The following DYNLT5 variants were observed in gnomAD, a reference collection of about 807,000 sequenced individuals.
DYNLT5 encodes the protein dynein light chain Tctex-type 5.
Under a neutral mutation model 19.3 loss-of-function variants are expected in DYNLT5, and 25 were observed. That is an observed-to-expected ratio of 1.30 (90% confidence interval 0.95 to 1.81). DYNLT5 has a LOEUF of 1.81. DYNLT5 is among the 40% of genes most tolerant of loss of function. DYNLT5 has a pLI of 0.00. For missense variants in DYNLT5, 232 were observed against 217.9 expected, an observed-to-expected ratio of 1.06 and a Z score of -0.41; for synonymous variants, 82 against 68.9, an observed-to-expected ratio of 1.19 and a Z score of -0.94.
At chr1:66,758,169 A>T (rs572173695) in intron 2 of DYNLT5, among the ~76,000 whole-genome samples, 30 of 152,326 alleles carry the variant, frequency 2.0e-4, no homozygotes, top group African/African-American at 6.5e-4. Context: ...GAAAATTGGC[A>T]ATCCATGTGT....
chr1:66,771,282 T>G (rs1645202980), intron 3 of DYNLT5, among the ~76,000 whole-genome samples: 3 of 152,200 alleles, frequency 2.0e-5, no homozygotes, highest in Admixed American at 2.0e-4. Flanking sequence ...CTACTGGTAT[T>G]TTCACAGTGC....
chr1:66,762,696 C>T (rs1329602756), intron 2 of DYNLT5, among the ~76,000 whole-genome samples: 1 of 152,018 alleles, frequency 6.6e-6, no homozygotes, highest in African/African-American at 2.4e-5. Context: ...TTTCTTAAAT[C>T]GTAAGATTTA....
At chr1:66,765,887 G>A (rs1487425911) in intron 2 of DYNLT5, among the ~76,000 whole-genome samples, 1 of 152,076 alleles carries the variant, frequency 6.6e-6, no homozygotes, top group Non-Finnish European at 1.5e-5. Flanking sequence ...CAAATAAGGA[G>A]GATTACTTTT....
intron 2 of DYNLT5, among the ~76,000 whole-genome samples, chr1:66,761,903 A>G (rs578120016): frequency 8.9e-4 from 136 of 152,344 alleles, no homozygotes; most frequent in African/African-American, 3.1e-3. Flanking sequence ...GCATTTTACC[A>G]TGGTAGAACT....
At chr1:66,759,973 C>T (rs1435923927) in intron 2 of DYNLT5, among the ~76,000 whole-genome samples, 2 of 152,156 alleles carry the variant, frequency 1.3e-5, no homozygotes, top group Non-Finnish European at 2.9e-5. Flanking sequence ...TAGCAGCCTC[C>T]TGTCTCAAAG....
At chr1:66,753,402 T>G (rs113417777) in intron 1 of DYNLT5, among the ~76,000 whole-genome samples, 2 of 152,334 alleles carry the variant, frequency 1.3e-5, no homozygotes, top group African/African-American at 4.8e-5. Flanking sequence ...AATGAGGGCA[T>G]TATTAGAGTT....
At chr1:66,758,196 A>G (rs2094639925) in intron 2 of DYNLT5, among the ~76,000 whole-genome samples, 1 of 152,212 alleles carries the variant, frequency 6.6e-6, no homozygotes, top group Non-Finnish European at 1.5e-5. Flanking sequence ...CATTAATAAA[A>G]CTATTCTGTT....
chr1:66,768,620 A>ATCCT lies in DYNLT5; in HGVS notation c.120-1765_120-1762dup, dbSNP rs1359011733. On this transcript the variant is annotated intron_variant, in intron 2 of 4. Coordinates refer to ENST00000282670, the MANE Select transcript of DYNLT5 (RefSeq NM_152665.3). ...CTGATAGTGAAGACAGTTTATAAAA[A>ATCCT]TCCTTATTTGCTTTTTTGTCTTGGA... The ATCCT allele has an allele frequency of 2.6e-5, 4 of 152,196 alleles. No individual in the cohort carries two copies. In the East Asian group the frequency reaches 7.7e-4, roughly 29 times the overall value. The allele number at this position is 152,196 out of a possible 1,614,324, so 9.4% of individuals were successfully genotyped here. A position where few individuals can be genotyped will look rare whatever the true frequency, so the allele number is the denominator to read the frequency against.
At chr1:66,776,183 T>A in intron 3 of DYNLT5, 96 bp from the exon 4 acceptor site, 1 of 1,463,938 alleles carries the variant, frequency 6.8e-7, no homozygotes, top group Non-Finnish European at 9.1e-7. Context: ...GAAGATTAAA[T>A]CCCTCCATGT....
intron 3 of DYNLT5, among the ~76,000 whole-genome samples, chr1:66,772,066 A>G (rs1372150183): frequency 6.6e-6 from 1 of 152,200 alleles, no homozygotes; most frequent in Non-Finnish European, 1.5e-5. Flanking sequence ...ACTTAATCAA[A>G]ACTGTGTTTC....
intron 3 of DYNLT5, among the ~76,000 whole-genome samples, chr1:66,774,551 T>C (rs1645224119): frequency 6.6e-6 from 1 of 152,182 alleles, no homozygotes. Context: ...TGTAACCTTC[T>C]GGTTAAGTTC....
chr1:66,755,935 T>G (rs1243131525), intron 2 of DYNLT5, among the ~76,000 whole-genome samples: 3 of 152,228 alleles, frequency 2.0e-5, no homozygotes, highest in Admixed American at 1.3e-4. Context: ...TAGTCTGACA[T>G]AAATTACGTA....
chr1:66,774,553 G>C (rs991584292), intron 3 of DYNLT5, among the ~76,000 whole-genome samples: 1 of 152,188 alleles, frequency 6.6e-6, no homozygotes, highest in Admixed American at 6.5e-5. Context: ...TAACCTTCTG[G>C]TTAAGTTCAG....
At chr1:66,775,188 T>C (rs1396360971) in intron 3 of DYNLT5, 1 of 152,236 alleles carries the variant, frequency 6.6e-6, no homozygotes, top group African/African-American at 2.4e-5. Flanking sequence ...ATATAAGCTC[T>C]AGCATCAGAT....
intron 3 of DYNLT5, among the ~76,000 whole-genome samples, chr1:66,773,098 A>G (rs943940706): frequency 4.6e-5 from 7 of 152,216 alleles, no homozygotes; most frequent in African/African-American, 1.7e-4. Flanking sequence ...ACTAAGAATA[A>G]AAGCCTTCCA....
At chr1:66,765,901 A>T (rs1213721206) in intron 2 of DYNLT5, among the ~76,000 whole-genome samples, 1 of 152,174 alleles carries the variant, frequency 6.6e-6, no homozygotes, top group Non-Finnish European at 1.5e-5. Context: ...TACTTTTGTT[A>T]TTCTGGACCA....
chr1:66,764,292 AC>A (rs2094650776), intron 2 of DYNLT5, among the ~76,000 whole-genome samples: 1 of 152,226 alleles, frequency 6.6e-6, no homozygotes, highest in African/African-American at 2.4e-5. Flanking sequence ...TCGGCTTTTG[AC>A]ATGCCTTCCT....
At chr1:66,757,878 T>C (rs2094639184) in intron 2 of DYNLT5, among the ~76,000 whole-genome samples, 1 of 152,190 alleles carries the variant, frequency 6.6e-6, no homozygotes. Flanking sequence ...GACACAGCCA[T>C]TCCTATTCAC....
chr1:66,777,189 G>T, intron 4 of DYNLT5, 62 bp from the exon 5 acceptor site: 2 of 1,374,862 alleles, frequency 1.5e-6, no homozygotes, highest in South Asian at 2.4e-5. Flanking sequence ...TTATAACAAA[G>T]GTTAATGCTT....
Sources: allele counts gnomAD v4.1 joint callset (sites outside exome capture counted in the v4.1 genomes callset), GRCh38; gene constraint gnomAD v4.1.1; transcripts MANE v1.5; gene names NCBI Gene and HGNC (gene_info 2026-07-23, HGNC 2026-07-21).